The following TLE3 variants were observed in gnomAD, a reference collection of about 807,000 sequenced individuals.
TLE3 encodes the protein transducin-like enhancer protein 3.
Under a neutral mutation model 93.0 loss-of-function variants are expected in TLE3, and 14 were observed. The ratio of observed to expected loss-of-function variants is 0.15; its 90% confidence interval spans 0.10 to 0.24. TLE3 has a LOEUF of 0.24. Ranked by LOEUF, TLE3 falls within the 10% of genes least tolerant of loss-of-function variation. The pLI is 1.00. For synonymous variants in TLE3, 451 were observed against 425.0 expected (o/e 1.06, Z -0.75); for missense variants, 693 against 1,046.6 (o/e 0.66, Z 4.66).
At position 70,050,061 on chromosome 15, in the gene TLE3, T is replaced by C; in HGVS notation, c.*36A>G. On this transcript the variant is annotated 3_prime_UTR_variant, in exon 20 of 20. Coordinates refer to ENST00000451782, the MANE Select transcript of TLE3 (RefSeq NM_001105192.3). ...TCTCCCTGTCAGAGCCGAGTCGGTT[T>C]CTCCCAGAGTTTGACAGCCCTGCTG... 6.3e-7 allele frequency: 1 copy of C among 1,582,724 alleles called. No individual in the cohort carries two copies. Among genetic ancestry groups the C allele is most frequent in the Non-Finnish European group, 8.7e-7 (1 of 1,151,798 alleles).
At chr15:70,084,427 G>A (rs1166989852) in intron 4 of TLE3, among the ~76,000 whole-genome samples, 1 of 152,222 alleles carries the variant, frequency 6.6e-6, no homozygotes, top group Non-Finnish European at 1.5e-5. Flanking sequence ...AGCGCCCAGG[G>A]TGGCAATCCC....
At chr15:70,095,320 C>A in intron 3 of TLE3, 1 of 1,384,324 alleles carries the variant, frequency 7.2e-7, no homozygotes, top group South Asian at 1.6e-5. Flanking sequence ...AAATTAAAGG[C>A]ACATAAAGAT....
intron 6 of TLE3, among the ~76,000 whole-genome samples, chr15:70,068,691 G>A (rs147757675): frequency 6.6e-6 from 1 of 152,328 alleles, no homozygotes; most frequent in East Asian, 1.9e-4. Flanking sequence ...TAGAGAAAAT[G>A]TGCACTGAAC....
At chr15:70,062,776 C>A (rs557297266) in intron 8 of TLE3, among the ~76,000 whole-genome samples, 1 of 152,126 alleles carries the variant, frequency 6.6e-6, no homozygotes, top group African/African-American at 2.4e-5. Context: ...CCGCTGACAC[C>A]GTCACCACGC....
At chr15:70,056,909 C>T (rs536315590) in intron 13 of TLE3, among the ~76,000 whole-genome samples, 4 of 152,184 alleles carry the variant, frequency 2.6e-5, no homozygotes, top group African/African-American at 4.8e-5. Flanking sequence ...CCACCACGCC[C>T]GGCTAATTTT....
At chr15:70,073,473 G>C (rs770478217) in intron 6 of TLE3, among the ~76,000 whole-genome samples, 3 of 152,174 alleles carry the variant, frequency 2.0e-5, no homozygotes, top group Admixed American at 6.5e-5. Flanking sequence ...AGACCAACCA[G>C]GTTCCCAGAA....
At chr15:70,088,276 G>A (rs2058124469) in intron 4 of TLE3, among the ~76,000 whole-genome samples, 1 of 152,238 alleles carries the variant, frequency 6.6e-6, no homozygotes, top group South Asian at 2.1e-4. Flanking sequence ...CTGACCCACA[G>A]CTTGCTGCCT....
At chr15:70,051,523 A>T in intron 18 of TLE3, 56 bp from the exon 19 acceptor site, 1 of 1,493,638 alleles carries the variant, frequency 6.7e-7, no homozygotes, top group South Asian at 1.2e-5. Flanking sequence ...CTCTAAAGCA[A>T]GACCTGCCCT....
intron 16 of TLE3, chr15:70,054,169 C>G (rs2055814176): frequency 2.5e-6 from 1 of 398,342 alleles, no homozygotes; most frequent in Non-Finnish European, 4.5e-6. Context: ...CTGCTTGCTC[C>G]ACTAATCTGA....
chr15:70,083,220 C>A (rs1247591973), intron 4 of TLE3, among the ~76,000 whole-genome samples: 6 of 151,980 alleles, frequency 3.9e-5, no homozygotes, highest in African/African-American at 1.5e-4. Flanking sequence ...AGGCAGACAC[C>A]ACAGGGCCCA....
At chr15:70,079,527 C>T (rs2057651076) in intron 4 of TLE3, 1 of 420,998 alleles carries the variant, frequency 2.4e-6, no homozygotes, top group South Asian at 1.7e-5. Context: ...CTGCTAGTAC[C>T]CTCTTGGGGT....
Position 70,095,602 on chromosome 15 carries a change from C to T in TLE3, c.165G>A (p.Thr55=). 1 of 1,551,586 alleles carries T rather than the reference C, an allele frequency of 6.4e-7. No homozygotes were observed. The part of the protein sequence containing the change: ...VEYDKLANEK[T]EMQRHYVMYY... ...CCATCACATAATGGCGCTGCATCTCCGTCTTCTCGTTTGCCAGCTTGTCGT... is the reference window on the plus strand; with the variant it reads ...CCATCACATAATGGCGCTGCATCTCTGTCTTCTCGTTTGCCAGCTTGTCGT... The change falls in exon 3 of 20, where the codon ACG becomes ACA. Residue 55 remains threonine (T), a synonymous_variant. Coordinates refer to ENST00000451782, the MANE Select transcript of TLE3 (RefSeq NM_001105192.3).
chr15:70,096,934 G>C lies in TLE3; in HGVS notation c.-136C>G. ...AGCTCGCCCCCGGCCCCCCCAGCTCGTTCTCGCAGCGAAATCCCAGAGTCG... is the reference window on the plus strand; with the variant it reads ...AGCTCGCCCCCGGCCCCCCCAGCTCCTTCTCGCAGCGAAATCCCAGAGTCG... On this transcript the variant is annotated 5_prime_UTR_variant, in exon 1 of 20. Transcript: ENST00000451782. 9.9e-7 allele frequency: 1 copy of C among 1,005,536 alleles called. No homozygotes were observed. 62.3% of individuals were successfully genotyped at this position (1,005,536 alleles called of 1,614,324 possible).
intron 2 of TLE3, 103 bp downstream of exon 2, chr15:70,096,057 GC>G: frequency 1.5e-6 from 2 of 1,321,828 alleles, no homozygotes; most frequent in Non-Finnish European, 2.0e-6. Flanking sequence ...CTGCCCCGCC[GC>G]CCCTAGGTCG....
At chr15:70,060,919 T>G in intron 8 of TLE3, 1 of 453,576 alleles carries the variant, frequency 2.2e-6, no homozygotes. Flanking sequence ...AACCCTGCAG[T>G]AAGCCGTCTG....
intron 5 of TLE3, 33 bp from the exon 6 acceptor site, chr15:70,074,640 C>A: frequency 6.3e-7 from 1 of 1,578,456 alleles, no homozygotes; most frequent in Non-Finnish European, 8.6e-7. Context: ...TAGATGCAGC[C>A]ACTTTCCTGG....
chr15:70,051,266 AG>A (rs1408926545), intron 19 of TLE3, 124 bp downstream of exon 19: 7 of 914,520 alleles, frequency 7.7e-6, no homozygotes, highest in Non-Finnish European at 1.1e-5. Context: ...GGAGGGGACC[AG>A]GGCAGGTCTG....
intron 7 of TLE3, among the ~76,000 whole-genome samples, chr15:70,065,508 T>C (rs866916376): frequency 6.6e-6 from 1 of 152,246 alleles, no homozygotes; most frequent in Non-Finnish European, 1.5e-5. Flanking sequence ...GGTTTCTGCA[T>C]TGGTGAGACA....
In TLE3 at chr15:70,060,589, C is replaced by T; in HGVS notation, c.655G>A (p.Asp219Asn). 1 of 1,614,018 alleles carries T rather than the reference C, an allele frequency of 6.2e-7. No homozygotes were observed. Among genetic ancestry groups the T allele is most frequent in the Non-Finnish European group, 8.5e-7 (1 of 1,179,890 alleles). The change falls in exon 9 of 20, where the codon GAC becomes AAC. Residue 219 changes from aspartate to asparagine, a missense_variant. Asp to Asn is a conservative substitution (Grantham distance 23). Coordinates refer to ENST00000451782, the MANE Select transcript of TLE3 (RefSeq NM_001105192.3). ...RASEKHRGSA[D>N]YSMEAKKRKA... ...CGCTTCTTGGCTTCCATGCTGTAGT[C>T]CGCAGAGCCCCGGTGCTTCTCACTG...
Sources: allele counts gnomAD v4.1 joint callset (sites outside exome capture counted in the v4.1 genomes callset), GRCh38; gene constraint gnomAD v4.1.1; transcripts MANE v1.5; gene names NCBI Gene and HGNC (gene_info 2026-07-23, HGNC 2026-07-21).